PTPRK: variants seen among roughly 807,000 people sequenced by gnomAD.
The protein encoded by PTPRK is receptor-type tyrosine-protein phosphatase kappa.
Under a neutral mutation model 178.0 loss-of-function variants are expected in PTPRK, and 75 were observed. That is an observed-to-expected ratio of 0.42 (90% confidence interval 0.35 to 0.51). The LOEUF (loss-of-function observed/expected upper bound fraction) is 0.51, where lower values mean the gene tolerates loss of function less well. Ranked by LOEUF, PTPRK falls within the 20% of genes least tolerant of loss-of-function variation. PTPRK has a pLI of 0.02. For missense variants in PTPRK, 1,441 were observed against 1,797.8 expected (o/e 0.80, Z 3.59); for synonymous variants, 637 against 620.6 (o/e 1.03, Z -0.39).
At chr6:128,136,919 A>G (rs1419122042) in intron 7 of PTPRK, among the ~76,000 whole-genome samples, 1 of 152,184 alleles carries the variant, frequency 6.6e-6, no homozygotes, top group Non-Finnish European at 1.5e-5. Context: ...GATCTTCCAC[A>G]GTTCTGAAGT....
At position 127,969,438 on chromosome 6, in the gene PTPRK, G is replaced by T. The variant is rs542212940; in HGVS notation, c.*789C>A. Reference sequence around the variant, plus strand: ...ATCACTATAAAGAACATTGCTTCCTGGTTTATGAATAAAAAGTTTATCTTC... The same window carrying T: ...ATCACTATAAAGAACATTGCTTCCTTGTTTATGAATAAAAAGTTTATCTTC... On this transcript the variant is annotated 3_prime_UTR_variant, in exon 30 of 30. Transcript: ENST00000368226. 6.6e-6 allele frequency: 1 copy of T among 151,976 alleles called. No homozygotes were observed. The highest frequency in any genetic ancestry group is 2.1e-4 in the South Asian group (1 of 4,816). 9.4% of individuals were successfully genotyped at this position (151,976 alleles called of 1,614,324 possible).
chr6:128,118,115 T>C (rs1424932120), intron 7 of PTPRK, among the ~76,000 whole-genome samples: 1 of 152,214 alleles, frequency 6.6e-6, no homozygotes, highest in Non-Finnish European at 1.5e-5. Flanking sequence ...GAAATGCTCA[T>C]AGGCAAACAA....
chr6:128,233,454 G>A (rs1812644853), intron 5 of PTPRK, among the ~76,000 whole-genome samples: 2 of 152,200 alleles, frequency 1.3e-5, no homozygotes, highest in Admixed American at 1.3e-4. Flanking sequence ...CCCCTTCACT[G>A]AGAACGGTTG....
chr6:128,112,446 ATTTGAT>A (rs1342914279), intron 7 of PTPRK, among the ~76,000 whole-genome samples: 10 of 152,110 alleles, frequency 6.6e-5, no homozygotes, highest in African/African-American at 2.4e-5. Context: ...AGATCTCAGC[ATTTGAT>A]TTTAGGATGG....
At chr6:128,114,647 C>T (rs1272528300) in intron 7 of PTPRK, among the ~76,000 whole-genome samples, 1 of 147,378 alleles carries the variant, frequency 6.8e-6, no homozygotes, top group African/African-American at 2.5e-5. Flanking sequence ...AAAGCTCTAG[C>T]AAGAACTCAC....
At chr6:128,503,458 C>T (rs1276772332) in intron 1 of PTPRK, among the ~76,000 whole-genome samples, 2 of 152,144 alleles carry the variant, frequency 1.3e-5, no homozygotes, top group Non-Finnish European at 2.9e-5. Context: ...TTATATCTTA[C>T]TTATTTCTAG....
intron 5 of PTPRK, among the ~76,000 whole-genome samples, chr6:128,222,592 C>T (rs976312741): frequency 2.2e-4 from 33 of 152,298 alleles, no homozygotes; most frequent in African/African-American, 7.5e-4. Flanking sequence ...AGTTTCCTCT[C>T]GAATCATAAC....
At chr6:128,105,235 G>A (rs1046764418) in intron 7 of PTPRK, among the ~76,000 whole-genome samples, 1 of 151,606 alleles carries the variant, frequency 6.6e-6, no homozygotes, top group Non-Finnish European at 1.5e-5. Context: ...CCGGGTTCGC[G>A]CCATTCTGCT....
intron 29 of PTPRK, among the ~76,000 whole-genome samples, chr6:127,971,026 G>A (rs533307019): frequency 6.6e-6 from 1 of 152,128 alleles, no homozygotes; most frequent in African/African-American, 2.4e-5. Flanking sequence ...TTTTGACACT[G>A]TTTTTGTCCA....
At chr6:128,064,470 C>A (rs1781405217) in intron 13 of PTPRK, among the ~76,000 whole-genome samples, 1 of 152,112 alleles carries the variant, frequency 6.6e-6, no homozygotes, top group Non-Finnish European at 1.5e-5. Context: ...CTGACGCTTT[C>A]CTAAGATATT....
chr6:128,291,483 C>T (rs1293317890), intron 3 of PTPRK, among the ~76,000 whole-genome samples: 6 of 152,224 alleles, frequency 3.9e-5, no homozygotes, highest in South Asian at 2.1e-4. Context: ...CTATAAGTTA[C>T]GTGTCCAAGA....
intron 7 of PTPRK, among the ~76,000 whole-genome samples, chr6:128,098,806 G>T (rs1046221070): frequency 3.9e-5 from 6 of 151,932 alleles, no homozygotes; most frequent in Non-Finnish European, 7.4e-5. Context: ...TTTAATAATA[G>T]AAAACACTTA....
intron 1 of PTPRK, among the ~76,000 whole-genome samples, chr6:128,457,885 C>A (rs1361104762): frequency 6.6e-6 from 1 of 152,066 alleles, no homozygotes. Context: ...TACAGTGTGC[C>A]CTTTTTATCC....
At chr6:128,225,531 G>A (rs1811140564) in intron 5 of PTPRK, among the ~76,000 whole-genome samples, 1 of 151,968 alleles carries the variant, frequency 6.6e-6, no homozygotes, top group African/African-American at 2.4e-5. Context: ...CAGTCTCACA[G>A]GATGATAAAG....
chr6:128,007,276 C>T (rs984485812), intron 14 of PTPRK, among the ~76,000 whole-genome samples: 7 of 150,686 alleles, frequency 4.6e-5, no homozygotes, highest in African/African-American at 1.7e-4. Context: ...GATATAAATA[C>T]TATATATTAG....
chr6:127,992,790 A>C (rs1776751063), intron 18 of PTPRK, 81 bp from the exon 19 acceptor site: 2 of 1,125,716 alleles, frequency 1.8e-6, no homozygotes, highest in Non-Finnish European at 2.6e-6. Flanking sequence ...GATGAAGACA[A>C]CCACCTGTTA....
At chr6:128,362,925 A>G (rs1834971882) in intron 2 of PTPRK, among the ~76,000 whole-genome samples, 1 of 152,306 alleles carries the variant, frequency 6.6e-6, no homozygotes, top group African/African-American at 2.4e-5. Flanking sequence ...ATAAATTAGA[A>G]TTTGATGTAT....
chr6:128,257,495 T>A (rs974121301), intron 3 of PTPRK, among the ~76,000 whole-genome samples: 1 of 152,128 alleles, frequency 6.6e-6, no homozygotes, highest in Non-Finnish European at 1.5e-5. Context: ...GCTTGGATAT[T>A]AGTCAACCAA....
intron 22 of PTPRK, 112 bp from the exon 23 acceptor site, chr6:127,983,489 G>T: frequency 2.7e-6 from 3 of 1,107,666 alleles, no homozygotes; most frequent in Non-Finnish European, 3.9e-6. Context: ...TTAACAAACT[G>T]CAAGGCACAG....
Sources: gnomAD v4.1 joint callset for allele counts (sites outside exome capture counted in the v4.1 genomes callset) on GRCh38, gnomAD v4.1.1 for gene constraint, MANE v1.5 for transcripts, NCBI Gene and HGNC (gene_info 2026-07-23, HGNC 2026-07-21) for gene names.